Variants in NRXN3 observed in about 807,000 individuals in gnomAD.
The protein encoded by NRXN3 is neurexin III.
NRXN3 carries 32 observed loss-of-function variants against 137.6 expected under a neutral mutation model. That is an observed-to-expected ratio of 0.23 (90% CI 0.18 to 0.31). NRXN3 has a LOEUF of 0.31. Ranked by LOEUF, NRXN3 falls within the 10% of genes least tolerant of loss-of-function variation. The probability of loss-of-function intolerance (pLI) is 1.00; values close to 1 mark genes in which losing one functional copy is unlikely to be tolerated. For synonymous variants in NRXN3, 798 were observed against 784.5 expected (o/e 1.02, Z -0.29); for missense variants, 1,574 against 2,062.5 (o/e 0.76, Z 4.59).
chr14:79,696,533 T>A (rs1417667225), intron 18 of NRXN3, among the ~76,000 whole-genome samples: 1 of 151,978 alleles, frequency 6.6e-6, no homozygotes, highest in Admixed American at 6.6e-5. Flanking sequence ...GGCCTTAGCA[T>A]ATTGCTGTTC....
At chr14:79,494,634 T>C (rs891583296) in intron 16 of NRXN3, among the ~76,000 whole-genome samples, 2 of 152,214 alleles carry the variant, frequency 1.3e-5, no homozygotes, top group Non-Finnish European at 2.9e-5. Flanking sequence ...TGTAGTCTGA[T>C]ATATATTTCA....
chr14:79,215,914 A>T (rs2068431640), intron 15 of NRXN3, among the ~76,000 whole-genome samples: 2 of 152,200 alleles, frequency 1.3e-5, no homozygotes, highest in Non-Finnish European at 2.9e-5. Flanking sequence ...ATTCTTCCAG[A>T]GATTATTCTG....
At chr14:79,654,330 TAAAAA>T (rs879462904) in intron 16 of NRXN3, among the ~76,000 whole-genome samples, 1 of 144,782 alleles carries the variant, frequency 6.9e-6, no homozygotes, top group Non-Finnish European at 1.5e-5. Context: ...AAATTAAACT[TAAAAA>T]AAAAAACTTA....
intron 15 of NRXN3, among the ~76,000 whole-genome samples, chr14:79,261,402 G>C (rs1377073677): frequency 6.6e-6 from 1 of 152,122 alleles, no homozygotes; most frequent in African/African-American, 2.4e-5. Flanking sequence ...GATCTGTTCG[G>C]TTCCAGACTA....
chr14:79,727,118 A>G (rs1382457688), intron 19 of NRXN3, among the ~76,000 whole-genome samples: 3 of 152,230 alleles, frequency 2.0e-5, no homozygotes, highest in Non-Finnish European at 4.4e-5. Context: ...GTTAAGCAAA[A>G]TATGTATTGA....
chr14:78,560,887 T>C (rs1174981749), intron 4 of NRXN3, among the ~76,000 whole-genome samples: 11 of 152,244 alleles, frequency 7.2e-5, no homozygotes, highest in Non-Finnish European at 1.5e-5. Context: ...TTTCAGGTCT[T>C]CATTTATAGA....
chr14:79,405,001 C>A, intron 15 of NRXN3, among the ~76,000 whole-genome samples: 1 of 152,084 alleles, frequency 6.6e-6, no homozygotes, highest in South Asian at 2.1e-4. Flanking sequence ...TAAATCCATG[C>A]AATGATCAAG....
chr14:79,855,523 C>T (rs944406952), intron 20 of NRXN3, among the ~76,000 whole-genome samples: 3 of 151,938 alleles, frequency 2.0e-5, no homozygotes, highest in African/African-American at 7.3e-5. Flanking sequence ...AAAATATTTT[C>T]TTTCTATGAA....
intron 10 of NRXN3, among the ~76,000 whole-genome samples, chr14:78,912,333 G>T (rs1405067923): frequency 6.6e-6 from 1 of 150,602 alleles, no homozygotes; most frequent in Non-Finnish European, 1.5e-5. Flanking sequence ...AAGCTTCCTG[G>T]TGGCTAACAA....
chr14:78,564,217 C>A lies in NRXN3; in HGVS notation c.758-80903C>A, dbSNP rs144067336. On this transcript the variant is annotated intron_variant, in intron 4 of 20. Coordinates refer to ENST00000335750, the MANE Select transcript of NRXN3 (RefSeq NM_001330195.2). ...GAGGAGGTGAATTCTGGCTTTGATG[C>A]CAATAACTGGCTGACTTAAAGTGAA... is the stretch of plus-strand genomic sequence containing the variant. Among the ~76,000 whole-genome samples, 680 of 152,264 alleles carry A rather than the reference C, an allele frequency of 4.5e-3. 5 individuals carry two copies. Among genetic ancestry groups the A allele is most frequent in the African/African-American group, 0.016 (651 of 41,554 alleles).
intron 19 of NRXN3, among the ~76,000 whole-genome samples, chr14:79,765,861 T>G (rs568415379): frequency 5.2e-4 from 79 of 152,312 alleles, no homozygotes; most frequent in African/African-American, 1.8e-3. Flanking sequence ...CTTTTTTCTT[T>G]CAAAAAGTTT....
At chr14:79,198,724 C>G in intron 15 of NRXN3, among the ~76,000 whole-genome samples, 1 of 152,164 alleles carries the variant, frequency 6.6e-6, no homozygotes, top group Non-Finnish European at 1.5e-5. Context: ...AGCAGTGAAG[C>G]TGTTAGCTGG....
intron 4 of NRXN3, among the ~76,000 whole-genome samples, chr14:78,521,413 G>A (rs1159141073): frequency 6.6e-6 from 1 of 152,120 alleles, no homozygotes; most frequent in Non-Finnish European, 1.5e-5. Flanking sequence ...AAAGGTAAAC[G>A]ATGAAGAAAA....
intron 8 of NRXN3, among the ~76,000 whole-genome samples, chr14:78,784,990 T>C (rs1263155977): frequency 6.6e-6 from 1 of 152,146 alleles, no homozygotes; most frequent in African/African-American, 2.4e-5. Flanking sequence ...GCTCAGATCA[T>C]ATGCGATTTA....
chr14:78,579,141 C>A (rs1205154224), intron 4 of NRXN3, among the ~76,000 whole-genome samples: 1 of 152,082 alleles, frequency 6.6e-6, no homozygotes, highest in African/African-American at 2.4e-5. Context: ...TCACTGTTAG[C>A]CCATGATCCC....
At chr14:78,836,948 A>C (rs1259753000) in intron 10 of NRXN3, among the ~76,000 whole-genome samples, 1 of 152,144 alleles carries the variant, frequency 6.6e-6, no homozygotes, top group East Asian at 1.9e-4. Context: ...TAGAGTGGCC[A>C]CAAGGAGTAT....
At chr14:79,405,064 G>A (rs1296975786) in intron 15 of NRXN3, among the ~76,000 whole-genome samples, 2 of 152,086 alleles carry the variant, frequency 1.3e-5, no homozygotes, top group Non-Finnish European at 2.9e-5. Context: ...AGGGGAGTAC[G>A]GCAGGAGGTT....
chr14:79,725,119 T>A (rs2098876134), intron 19 of NRXN3, among the ~76,000 whole-genome samples: 1 of 152,048 alleles, frequency 6.6e-6, no homozygotes, highest in Admixed American at 6.6e-5. Flanking sequence ...GTTTGGGAGA[T>A]CAAAGAGAAA....
chr14:79,742,570 T>A lies in NRXN3; in HGVS notation c.4014+44633T>A, dbSNP rs116465386. Among the ~76,000 whole-genome samples the A allele has an allele frequency of 1.6e-3, 245 of 152,328 alleles. 1 individual carries two copies. The highest frequency in any genetic ancestry group is 5.8e-3 in the African/African-American group (241 of 41,574). On this transcript the variant is annotated intron_variant, in intron 19 of 20. Transcript: ENST00000335750. The stretch of plus-strand genomic sequence containing the variant: ...CTAAATAAAAGTAGAAGTTGGGCCA[T>A]GTTTTTAAAATTTCTAGCTAATTGC...
Sources: gnomAD v4.1 joint callset for allele counts (sites outside exome capture counted in the v4.1 genomes callset) on GRCh38, gnomAD v4.1.1 for gene constraint, MANE v1.5 for transcripts, NCBI Gene and HGNC (gene_info 2026-07-23, HGNC 2026-07-21) for gene names.